The following TOM1L2 variants were observed in gnomAD, a reference collection of about 807,000 sequenced individuals.
TOM1L2 encodes target of myb1 like 2 membrane trafficking protein, also known as TOM1-like protein 2.
Under a neutral mutation model 67.9 loss-of-function variants are expected in TOM1L2, and 31 were observed. The observed-to-expected ratio is 0.46, with a 90% CI of 0.34 to 0.62. The LOEUF (loss-of-function observed/expected upper bound fraction) is 0.62. Ranked by LOEUF, TOM1L2 falls within the 20% of genes least tolerant of loss-of-function variation. The pLI is 0.01. For missense variants in TOM1L2, 606 were observed against 663.5 expected, an observed-to-expected ratio of 0.91 and a Z score of 0.95; for synonymous variants, 256 against 254.0, an observed-to-expected ratio of 1.01 and a Z score of -0.07.
chr17:17,855,140 G>A (rs2036193447), intron 12 of TOM1L2, among the ~76,000 whole-genome samples: 1 of 152,230 alleles, frequency 6.6e-6, no homozygotes, highest in Non-Finnish European at 1.5e-5. Context: ...TGAGTGGCAG[G>A]TGAGCCATCC....
intron 1 of TOM1L2, among the ~76,000 whole-genome samples, chr17:17,913,259 G>A (rs71367421): frequency 6.9e-6 from 1 of 144,540 alleles, no homozygotes; most frequent in African/African-American, 2.8e-5. Context: ...GTGGGGAGAC[G>A]GGAGAGGGAG....
At chr17:17,952,376 C>CTTTTTTTTTTTTTTTTTTTTTTTTTTTTT (rs60388742) in intron 1 of TOM1L2, among the ~76,000 whole-genome samples, 1 of 79,920 alleles carries the variant, frequency 1.3e-5, no homozygotes, top group Non-Finnish European at 2.7e-5. Context: ...TCTTTATTTT[C>CTTTTTTTTTTTTTTTTTTTTTTTTTTTTT]TTTTTTTTTT....
At position 17,850,889 on chromosome 17, in the gene TOM1L2, T is replaced by G; in HGVS notation, c.1338+4A>C. 6.2e-7 allele frequency: 1 copy of G among 1,614,024 alleles called. No individual in the cohort carries two copies. The highest frequency in any genetic ancestry group is 2.2e-5 in the East Asian group (1 of 44,880). On this transcript the variant is annotated splice_donor_region_variant and intron_variant, in intron 13 of 14. Transcript: ENST00000379504. ...ACAGATGAAATAGAAAAGTCGAGTC[T>G]CACCAGGTCGGTCCTGAGCCACACC...
intron 4 of TOM1L2, among the ~76,000 whole-genome samples, chr17:17,886,131 T>A (rs940291836): frequency 2.0e-5 from 3 of 152,078 alleles, no homozygotes; most frequent in Non-Finnish European, 2.9e-5. Flanking sequence ...TCTCCCTCAC[T>A]CCAGCAATGT....
chr17:17,905,978 C>A (rs1288869912), intron 2 of TOM1L2, among the ~76,000 whole-genome samples: 1 of 152,098 alleles, frequency 6.6e-6, no homozygotes, highest in South Asian at 2.1e-4. Flanking sequence ...ACATCAGACA[C>A]CCTCTGTCCC....
chr17:17,960,343 T>C (rs1251206039), intron 1 of TOM1L2, among the ~76,000 whole-genome samples: 1 of 152,176 alleles, frequency 6.6e-6, no homozygotes. Context: ...TTGACTTTTT[T>C]TTTTCTGAGA....
At chr17:17,856,394 A>G (rs538482681) in intron 12 of TOM1L2, among the ~76,000 whole-genome samples, 1 of 152,410 alleles carries the variant, frequency 6.6e-6, no homozygotes, top group East Asian at 1.9e-4. Flanking sequence ...GAGAGGTGGC[A>G]GGAGACCTGC....
At chr17:17,931,949 G>C (rs1383156658) in intron 1 of TOM1L2, among the ~76,000 whole-genome samples, 1 of 152,230 alleles carries the variant, frequency 6.6e-6, no homozygotes, top group Non-Finnish European at 1.5e-5. Context: ...ATCTCATCAA[G>C]GGGAGCTGGT....
At chr17:17,945,538 AG>A (rs1415361687) in intron 1 of TOM1L2, among the ~76,000 whole-genome samples, 3 of 152,208 alleles carry the variant, frequency 2.0e-5, no homozygotes, top group Non-Finnish European at 2.9e-5. Context: ...ACCCTCTCTT[AG>A]GGAGACCCAC....
At chr17:17,952,371 A>ATTTTCTTTTTTTTT (rs2041239846) in intron 1 of TOM1L2, among the ~76,000 whole-genome samples, 1 of 31,126 alleles carries the variant, frequency 3.2e-5, no homozygotes, top group Non-Finnish European at 5.8e-5. Flanking sequence ...GTGCTTCTTT[A>ATTTTCTTTTTTTTT]TTTTCTTTTT....
chr17:17,907,562 T>C (rs1376204434), intron 1 of TOM1L2, 31 bp from the exon 2 acceptor site: 14 of 1,604,868 alleles, frequency 8.7e-6, no homozygotes, highest in Admixed American at 1.7e-5. Flanking sequence ...TGGGTTTACA[T>C]TTCTCCTGGA....
chr17:17,929,654 A>G (rs2040245173), intron 1 of TOM1L2, among the ~76,000 whole-genome samples: 1 of 152,234 alleles, frequency 6.6e-6, no homozygotes. Flanking sequence ...AAAGAATGTC[A>G]GGAAGAAATC....
chr17:17,857,847 C>T, intron 12 of TOM1L2: 1 of 1,535,594 alleles, frequency 6.5e-7, no homozygotes, highest in Non-Finnish European at 8.7e-7. Context: ...GGGCCGAGGA[C>T]AGAAAAGTCT....
At chr17:17,884,590 G>A (rs200485753) in intron 5 of TOM1L2, 44 bp downstream of exon 5, 14 of 1,611,784 alleles carry the variant, frequency 8.7e-6, no homozygotes, top group East Asian at 6.7e-5. Flanking sequence ...TGGCTCACCC[G>A]TTCTGCAGTA....
In TOM1L2 at chr17:17,893,722, A is replaced by G. The variant is rs1267197992; in HGVS notation, c.305T>C (p.Ile102Thr). ...GGGAGGGTTGTTCTTGGGAGATATA[A>G]TTTTGACCAGAACACTGTCGATGAA... ...RDFIDSVLVK[I>T]ISPKNNPPTI... The change falls in exon 4 of 15, where the codon ATT (isoleucine) becomes ACT (threonine). Residue 102 changes from isoleucine (I) to threonine (T), a missense_variant. By Grantham distance (89) the Ile-to-Thr change is moderately conservative (BLOSUM62 -1). Coordinates refer to ENST00000379504, the MANE Select transcript of TOM1L2 (RefSeq NM_001082968.2). The G allele has an allele frequency of 6.2e-7, 1 of 1,614,140 alleles. No individual in the cohort carries two copies. The highest frequency in any genetic ancestry group is 8.5e-7 in the Non-Finnish European group (1 of 1,180,018).
intron 3 of TOM1L2, among the ~76,000 whole-genome samples, chr17:17,895,751 C>A (rs1055143012): frequency 6.6e-6 from 1 of 152,194 alleles, no homozygotes; most frequent in African/African-American, 2.4e-5. Flanking sequence ...GCTAAGAGTG[C>A]CTCAGATGAC....
At chr17:17,944,859 T>G (rs901547334) in intron 1 of TOM1L2, among the ~76,000 whole-genome samples, 1 of 152,194 alleles carries the variant, frequency 6.6e-6, no homozygotes, top group Admixed American at 6.5e-5. Flanking sequence ...GATGTCTGCC[T>G]GATGGCAATG....
intron 5 of TOM1L2, among the ~76,000 whole-genome samples, chr17:17,884,103 G>A (rs189653968): frequency 1.5e-3 from 228 of 152,262 alleles, no homozygotes; most frequent in African/African-American, 5.2e-3. Flanking sequence ...GCCCCTAAAG[G>A]GACCTTCCCA....
Position 17,869,391 on chromosome 17 carries a change from T to A in TOM1L2, c.860A>T (p.Glu287Val). ...SRVSNEEVTE[E>V]LLHVNDDLNN... ...GAGGTCATCGTTCACATGCAGCAGCTCCTCGGTGACCTCCTCATTGGACAC... is the reference window on the plus strand; with the variant it reads ...GAGGTCATCGTTCACATGCAGCAGCACCTCGGTGACCTCCTCATTGGACAC... The change falls in exon 8 of 15, where the codon GAG becomes GTG. Residue 287 changes from glutamate (E) to valine (V), a missense_variant. Transcript: ENST00000379504. 4 of 1,613,024 alleles carry A rather than the reference T, an allele frequency of 2.5e-6. No homozygotes were observed. Among genetic ancestry groups the A allele is most frequent in the Non-Finnish European group, 3.4e-6 (4 of 1,179,890 alleles).
Sources: allele counts gnomAD v4.1 joint callset (sites outside exome capture counted in the v4.1 genomes callset), GRCh38; gene constraint gnomAD v4.1.1; transcripts MANE v1.5; gene names NCBI Gene and HGNC (gene_info 2026-07-23, HGNC 2026-07-21).